RARB: variants seen among roughly 807,000 people sequenced by gnomAD.
RARB encodes the protein HBV-activated protein.
RARB carries 17 observed loss-of-function variants against 51.9 expected under a neutral mutation model. The ratio of observed to expected loss-of-function variants is 0.33; its 90% CI spans 0.22 to 0.49. The LOEUF is 0.49. Ranked by LOEUF, RARB falls within the 20% of genes least tolerant of loss-of-function variation. RARB has a pLI of 0.99. For synonymous variants in RARB, 215 were observed against 195.4 expected (o/e 1.10, Z -0.84); for missense variants, 369 against 550.8 (o/e 0.67, Z 3.30).
intron 2 of RARB, among the ~76,000 whole-genome samples, chr3:24,988,517 G>C (rs567359043): frequency 2.6e-4 from 40 of 152,200 alleles, no homozygotes; most frequent in African/African-American, 9.6e-4. Flanking sequence ...TTGCTCCCCA[G>C]ATAAGTAAAC....
At chr3:25,576,594 C>T (rs1356037501) in intron 4 of RARB, among the ~76,000 whole-genome samples, 1 of 152,188 alleles carries the variant, frequency 6.6e-6, no homozygotes, top group African/African-American at 2.4e-5. Context: ...TCCAGGAGCA[C>T]GCCTGAAACG....
chr3:25,383,375 T>C (rs1706687833), intron 5 of RARB, among the ~76,000 whole-genome samples: 1 of 152,212 alleles, frequency 6.6e-6, no homozygotes, highest in African/African-American at 2.4e-5. Flanking sequence ...AGCCCCTTTC[T>C]GAACCTAAGA....
At chr3:25,286,243 C>T (rs1227773469) in intron 5 of RARB, among the ~76,000 whole-genome samples, 1 of 152,024 alleles carries the variant, frequency 6.6e-6, no homozygotes, top group Non-Finnish European at 1.5e-5. Flanking sequence ...CGCCCGCCAC[C>T]ATGCCCAGCT....
At chr3:24,992,506 T>G (rs1696934525) in intron 2 of RARB, among the ~76,000 whole-genome samples, 1 of 152,236 alleles carries the variant, frequency 6.6e-6, no homozygotes, top group South Asian at 2.1e-4. Context: ...AAAGCACTAC[T>G]GATCTGTTTC....
chr3:24,857,772 A>T (rs1458812398), intron 1 of RARB, among the ~76,000 whole-genome samples: 3 of 152,120 alleles, frequency 2.0e-5, no homozygotes, highest in Non-Finnish European at 4.4e-5. Flanking sequence ...AAAACAAAAC[A>T]AAAAATAGCT....
intron 3 of RARB, among the ~76,000 whole-genome samples, chr3:25,504,662 A>G (rs1350694600): frequency 6.6e-6 from 1 of 151,938 alleles, no homozygotes; most frequent in Non-Finnish European, 1.5e-5. Flanking sequence ...ACTCTTCTTT[A>G]TGCTGTGGGA....
intron 2 of RARB, among the ~76,000 whole-genome samples, chr3:24,872,402 T>C: frequency 6.6e-6 from 1 of 152,176 alleles, no homozygotes; most frequent in East Asian, 1.9e-4. Context: ...TATTATTCCA[T>C]TTTACCTTGC....
chr3:25,143,638 C>G (rs1358709067), intron 4 of RARB, among the ~76,000 whole-genome samples: 1 of 152,178 alleles, frequency 6.6e-6, no homozygotes, highest in East Asian at 1.9e-4. Flanking sequence ...TCTCCTCTGT[C>G]ATAACACTGA....
At chr3:25,296,196 A>G (rs1703910595) in intron 5 of RARB, among the ~76,000 whole-genome samples, 1 of 152,216 alleles carries the variant, frequency 6.6e-6, no homozygotes, top group Non-Finnish European at 1.5e-5. Context: ...CACATACATC[A>G]TGAAGTATTC....
At chr3:25,181,180 C>T (rs941379049) in intron 5 of RARB, among the ~76,000 whole-genome samples, 5 of 152,162 alleles carry the variant, frequency 3.3e-5, no homozygotes, top group African/African-American at 1.2e-4. Flanking sequence ...ACTGAGAAGT[C>T]ATAATCACTG....
At chr3:25,540,654 A>G (rs1450968323) in intron 3 of RARB, among the ~76,000 whole-genome samples, 1 of 152,214 alleles carries the variant, frequency 6.6e-6, no homozygotes. Context: ...CACTAAGGTG[A>G]GACATAGGCA....
At chr3:25,012,624 T>C (rs1332836579) in intron 2 of RARB, among the ~76,000 whole-genome samples, 1 of 152,168 alleles carries the variant, frequency 6.6e-6, no homozygotes, top group East Asian at 1.9e-4. Context: ...GTTTGGCATA[T>C]TTTGACTTTC....
chr3:25,504,542 TG>T (rs1173254177), intron 3 of RARB, among the ~76,000 whole-genome samples: 1 of 151,834 alleles, frequency 6.6e-6, no homozygotes, highest in Non-Finnish European at 1.5e-5. Context: ...ACCATGTGGG[TG>T]GGGAGTGTGG....
At position 25,258,675 on chromosome 3, in the gene RARB, A is replaced by G. The variant is rs113640576; in HGVS notation, c.178+84100A>G. On this transcript the variant is annotated intron_variant, in intron 5 of 11. Transcript: ENST00000383772. ...TAAAGGAAAGAGGTTGATTTAGTTC[A>G]TGGTTCTGGAGGCTGGGAAGTCTAA... Among the ~76,000 whole-genome samples the G allele has an allele frequency of 2.6e-5, 4 of 152,192 alleles. No individual in the cohort carries two copies. The South Asian group carries it at 6.2e-4, about 24-fold the overall frequency.
chr3:24,962,659 T>C (rs1696166556), intron 2 of RARB, among the ~76,000 whole-genome samples: 2 of 152,208 alleles, frequency 1.3e-5, no homozygotes, highest in African/African-American at 4.8e-5. Context: ...TATCATGAGC[T>C]GCACATGGAA....
intron 2 of RARB, among the ~76,000 whole-genome samples, chr3:24,939,272 G>A (rs9882350): frequency 0.45 from 67,702 of 151,998 alleles, 15,583 homozygotes; most frequent in East Asian, 0.52. Context: ...CAATGCTTCC[G>A]TGAACTTTTA....
chr3:25,094,294 C>T (rs1699253994), intron 3 of RARB, among the ~76,000 whole-genome samples: 1 of 152,150 alleles, frequency 6.6e-6, no homozygotes, highest in Non-Finnish European at 1.5e-5. Flanking sequence ...TGGGTGATGG[C>T]ATATGTAGCT....
intron 5 of RARB, among the ~76,000 whole-genome samples, chr3:25,325,782 T>A (rs1446009686): frequency 1.0e-5 from 1 of 99,974 alleles, no homozygotes; most frequent in Non-Finnish European, 2.1e-5. Context: ...ACCTTCAGTT[T>A]GGGGGTTGTT....
At chr3:25,492,883 G>T (rs904581962) in intron 2 of RARB, among the ~76,000 whole-genome samples, 1 of 152,098 alleles carries the variant, frequency 6.6e-6, no homozygotes, top group African/African-American at 2.4e-5. Context: ...CAAGTTAGCA[G>T]GCAAGAGGTG....
Sources: gnomAD v4.1 joint callset for allele counts (sites outside exome capture counted in the v4.1 genomes callset) on GRCh38, gnomAD v4.1.1 for gene constraint, MANE v1.5 for transcripts, NCBI Gene and HGNC (gene_info 2026-07-23, HGNC 2026-07-21) for gene names.